LAMP1: variants seen among roughly 807,000 people sequenced by gnomAD.
The protein encoded by LAMP1 is lysosome associated membrane protein 1.
In LAMP1, 7 loss-of-function variants were observed where a neutral mutation model predicts 37.5. That is an observed-to-expected ratio of 0.19 (90% CI 0.11 to 0.35). The LOEUF is 0.35. Among genes scored for constraint, LAMP1 ranks in the 10% least tolerant of loss-of-function variants. The pLI is 1.00. For synonymous variants in LAMP1, 236 were observed against 229.1 expected, an observed-to-expected ratio of 1.03 and a Z score of -0.27; for missense variants, 537 against 552.8, an observed-to-expected ratio of 0.97 and a Z score of 0.29.
intron 2 of LAMP1, 151 bp from the exon 3 acceptor site, chr13:113,309,492 T>C (rs999164101): frequency 9.2e-5 from 56 of 608,184 alleles, no homozygotes; most frequent in Non-Finnish European, 4.0e-5. Flanking sequence ...ACTAACCTTT[T>C]TTTGGTTTAT....
At chr13:113,299,568 A>AT (rs373040979) in intron 1 of LAMP1, among the ~76,000 whole-genome samples, 30,600 of 128,750 alleles carry the variant, frequency 0.24, 4,422 homozygotes, top group Non-Finnish European at 0.32. Flanking sequence ...TGGCCCAAGA[A>AT]TTTTTTTTTT....
chr13:113,312,291 A>G (rs2042634752), intron 4 of LAMP1, among the ~76,000 whole-genome samples: 1 of 152,220 alleles, frequency 6.6e-6, no homozygotes, highest in South Asian at 2.1e-4. Flanking sequence ...GAAAACGAAT[A>G]TTTCTTGACA....
At chr13:113,306,313 C>T (rs959867297) in intron 1 of LAMP1, 172 bp from the exon 2 acceptor site, 29 of 598,160 alleles carry the variant, frequency 4.8e-5, no homozygotes, top group East Asian at 6.7e-5. Flanking sequence ...GCTGAGATCA[C>T]GCCACTGCAC....
rs2139376484 is a variant in LAMP1, at chr13:113,320,830, TTGTCACTTGTCAGTCTTTTTAAATCGC to T, written c.876+364_876+390del. On this transcript the variant is annotated intron_variant, in intron 6 of 8. Transcript: ENST00000332556. This position sits in a 1 kb window ranked among gnomAD's most constrained non-coding sequence, Gnocchi z 4.4. ...GCAACATAAGACATGAAGCATATAA[TTGTCACTTGTCAGTCTTTTTAAATCGC>T]TGTGCAAATGAATTAACAGTTCAGT... The T allele has an allele frequency of 3.9e-6, 1 of 255,374 alleles. No individual in the cohort carries two copies. The highest frequency in any genetic ancestry group is 7.5e-5 in the South Asian group (1 of 13,326). 15.8% of individuals were successfully genotyped at this position (255,374 alleles called of 1,614,324 possible).
At position 113,319,655 on chromosome 13, in the gene LAMP1, C is replaced by G; in HGVS notation, c.749C>G (p.Thr250Arg). The part of the protein sequence containing the change: ...LNLTYERKDN[T>R]TVTRLLNINP... ...CTCACCTATGAGAGGAAGGACAACA[C>G]GGTAGGGCTGGGGCCTCACCTGGGA... The change falls in exon 5 of 9, where the codon ACG becomes AGG. Residue 250 changes from threonine to arginine, a missense_variant and splice_region_variant. Physicochemically the swap from Thr to Arg is moderately conservative, Grantham distance 71 (BLOSUM62 -1). Transcript: ENST00000332556. The G allele has an allele frequency of 6.2e-7, 1 of 1,607,674 alleles. No individual in the cohort carries two copies. Among genetic ancestry groups the G allele is most frequent in the Non-Finnish European group, 8.5e-7 (1 of 1,178,042 alleles).
At chr13:113,301,642 AAAAT>A (rs2042573676) in intron 1 of LAMP1, among the ~76,000 whole-genome samples, 1 of 37,510 alleles carries the variant, frequency 2.7e-5, no homozygotes, top group African/African-American at 1.7e-4. Context: ...AAAAAAAAAA[AAAAT>A]ATATATATAT....
intron 4 of LAMP1, among the ~76,000 whole-genome samples, chr13:113,318,149 T>A (rs923025904): frequency 2.6e-5 from 4 of 152,244 alleles, no homozygotes; most frequent in African/African-American, 9.6e-5. Flanking sequence ...TCTGCCATCT[T>A]GTGCTCTGTC....
In LAMP1 at chr13:113,322,374, T is replaced by TG; in HGVS notation, c.1207_1208insG (p.Tyr403Ter). Residue 403 changes from tyrosine (Y) to a stop codon, truncating the protein, a stop_gained and frameshift_variant, in exon 9 of 9, where the codon TAC becomes TGAC. Coordinates refer to ENST00000332556, the MANE Select transcript of LAMP1 (RefSeq NM_005561.4). LOFTEE classifies it high-confidence loss of function. ...AGLVLIVLIA[Y>*]LVGRKRSHAG... ...GCTGGTCCTCATCGTCCTCATCGCC[T>TG]ACCTCGTCGGCAGGAAGAGGAGTCA... 1 of 1,602,450 alleles carries TG rather than the reference T, an allele frequency of 6.2e-7. No homozygotes were observed. The highest frequency in any genetic ancestry group is 8.5e-7 in the Non-Finnish European group (1 of 1,173,810).
At chr13:113,313,447 T>A (rs2042642046) in intron 4 of LAMP1, among the ~76,000 whole-genome samples, 1 of 152,238 alleles carries the variant, frequency 6.6e-6, no homozygotes. Context: ...AGAACACGCA[T>A]GTGATTCCAA....
chr13:113,322,364 C>CTACA lies in LAMP1; in HGVS notation c.1197_1198insTACA (p.Leu400TyrfsTer61). On this transcript the variant is annotated frameshift_variant, in exon 9 of 9. Transcript: ENST00000332556. LOFTEE classifies it high-confidence loss of function. ...CCCTGGCGGGGCTGGTCCTCATCGTCCTCATCGCCTACCTCGTCGGCAGGA... is the reference window on the plus strand; with the variant it reads ...CCCTGGCGGGGCTGGTCCTCATCGTCTACACTCATCGCCTACCTCGTCGGCAGGA... 5 of 1,613,770 alleles carry CTACA rather than the reference C, an allele frequency of 3.1e-6. No homozygotes were observed. The Admixed American group carries it at 5.0e-5, about 16-fold the overall frequency.
intron 4 of LAMP1, among the ~76,000 whole-genome samples, chr13:113,317,178 G>A (rs1207210911): frequency 6.6e-6 from 1 of 152,150 alleles, no homozygotes; most frequent in Non-Finnish European, 1.5e-5. Context: ...GCTGCTCTCC[G>A]GAGGGTGCTG....
At chr13:113,308,137 C>T (rs2042609905) in intron 2 of LAMP1, among the ~76,000 whole-genome samples, 1 of 151,840 alleles carries the variant, frequency 6.6e-6, no homozygotes, top group African/African-American at 2.4e-5. Context: ...GCCTCAGCCT[C>T]CTCAGTAGGT....
chr13:113,316,864 ACT>A (rs1468408224), intron 4 of LAMP1, among the ~76,000 whole-genome samples: 2 of 145,908 alleles, frequency 1.4e-5, no homozygotes, highest in South Asian at 2.2e-4. Context: ...AGCAACTGAG[ACT>A]CTGTCTCAAA....
intron 1 of LAMP1, among the ~76,000 whole-genome samples, chr13:113,303,836 G>A (rs2042585561): frequency 6.6e-6 from 1 of 152,186 alleles, no homozygotes; most frequent in Non-Finnish European, 1.5e-5. Flanking sequence ...AGCACTTTGT[G>A]AGGCTGAGGC....
chr13:113,321,013 C>T lies in LAMP1; in HGVS notation c.877-391C>T, dbSNP rs999276670. On this transcript the variant is annotated intron_variant, in intron 6 of 8. Transcript: ENST00000332556. The surrounding 1 kb of genome is among the most constrained non-coding windows in gnomAD (Gnocchi z 5.6). ...TGGGCAGCACAGGGAGGCTCCATTT[C>T]TGCAAATAATAAAACGAGTTAGCTG... The T allele has an allele frequency of 3.2e-4, 89 of 282,152 alleles. No individual in the cohort carries two copies. Among genetic ancestry groups the T allele is most frequent in the African/African-American group, 1.9e-3 (84 of 45,062 alleles). The allele number at this position is 282,152 out of a possible 1,614,324, so 17.5% of individuals were successfully genotyped here. A position where few individuals can be genotyped will look rare whatever the true frequency, so the allele number is the denominator to read the frequency against.
At position 113,323,657 on chromosome 13, in the gene LAMP1, T is replaced by C. The variant is rs992414410; in HGVS notation, c.*1236T>C. The C allele has an allele frequency of 6.6e-6, 1 of 151,780 alleles. No individual in the cohort carries two copies. The highest frequency in any genetic ancestry group is 1.5e-5 in the Non-Finnish European group (1 of 67,948). 9.4% of individuals were successfully genotyped at this position (151,780 alleles called of 1,614,324 possible). A position where few individuals can be genotyped will look rare whatever the true frequency, so the allele number is the denominator to read the frequency against. On this transcript the variant is annotated 3_prime_UTR_variant, in exon 9 of 9. Coordinates refer to ENST00000332556, the MANE Select transcript of LAMP1 (RefSeq NM_005561.4). ...GATAATTTTTAAATCATTAAAAAAA[T>C]TACCTTTCATACAGATACCATGGAA...
In LAMP1 at chr13:113,319,585, A is replaced by G; in HGVS notation, c.679A>G (p.Thr227Ala). The G allele has an allele frequency of 1.9e-6, 3 of 1,613,972 alleles. No individual in the cohort carries two copies. The highest frequency in any genetic ancestry group is 2.5e-6 in the Non-Finnish European group (3 of 1,180,018). ...PSVDKYNVSG[T>A]NGTCLLASMG... ...TGTGGACAAGTACAACGTGAGCGGC[A>G]CCAACGGGACCTGCCTGCTGGCCAG... is the stretch of plus-strand genomic sequence containing the variant. The change falls in exon 5 of 9, where the codon ACC becomes GCC. Residue 227 changes from threonine (T) to alanine (A), a missense_variant. Transcript: ENST00000332556.
chr13:113,321,654 G>T lies in LAMP1; in HGVS notation c.1041G>T (p.Thr347=), dbSNP rs376013627. The T allele has an allele frequency of 6.2e-6, 10 of 1,614,248 alleles. No homozygotes were observed. The highest frequency in any genetic ancestry group is 8.5e-6 in the Non-Finnish European group (10 of 1,180,044). Residue 347 remains threonine (T), a synonymous_variant, in exon 8 of 9, where the codon ACG becomes ACT. Transcript: ENST00000332556. The surrounding 1 kb of genome is among the most constrained non-coding windows in gnomAD (Gnocchi z 5.6). ...ACGCGGAGGAGCACGTCCGTGTCAC[G>T]AAGGCGTTTTCAGTCAATATATTCA... The part of the protein sequence containing the change: ...KCNAEEHVRV[T]KAFSVNIFKV...
chr13:113,312,493 C>T (rs1406665146), intron 4 of LAMP1, among the ~76,000 whole-genome samples: 1 of 152,192 alleles, frequency 6.6e-6, no homozygotes, highest in African/African-American at 2.4e-5. Context: ...ACTTTGCCTT[C>T]CCTGGTGAGT....
Sources: allele counts gnomAD v4.1 joint callset (sites outside exome capture counted in the v4.1 genomes callset), GRCh38; gene constraint gnomAD v4.1.1; non-coding constraint Gnocchi (gnomAD v3.1); transcripts MANE v1.5; gene names NCBI Gene and HGNC (gene_info 2026-07-23, HGNC 2026-07-21).